The following RAB11FIP3 variants were observed in gnomAD, a reference collection of about 807,000 sequenced individuals.
RAB11FIP3 encodes RAB11 family interacting protein 3.
Under a neutral mutation model 77.8 loss-of-function variants are expected in RAB11FIP3, and 17 were observed. The observed-to-expected ratio is 0.22, with a 90% confidence interval of 0.15 to 0.33. The LOEUF is 0.33. Ranked by LOEUF, RAB11FIP3 falls within the 10% of genes least tolerant of loss-of-function variation. The pLI is 1.00. For missense variants in RAB11FIP3, 1,005 were observed against 1,011.2 expected (o/e 0.99, Z 0.08); for synonymous variants, 437 against 448.2 (o/e 0.98, Z 0.31).
Position 522,437 on chromosome 16 carries a change from T to G in RAB11FIP3, c.*1598T>G, listed in dbSNP as rs922875081. On this transcript the variant is annotated 3_prime_UTR_variant, in exon 14 of 14. Coordinates refer to ENST00000262305, the MANE Select transcript of RAB11FIP3 (RefSeq NM_014700.4). ...CGAGAAACGGCTCTTCCTGCCTGGA[T>G]GCAGGAGGGCAGGGGCCACCACAGA... The G allele has an allele frequency of 1.3e-5, 2 of 151,604 alleles. No homozygotes were observed. Among genetic ancestry groups the G allele is most frequent in the Admixed American group, 1.3e-4 (2 of 15,234 alleles). 9.4% of individuals were successfully genotyped at this position (151,604 alleles called of 1,614,324 possible).
intron 1 of RAB11FIP3, among the ~76,000 whole-genome samples, chr16:441,316 C>G (rs1470534538): frequency 6.6e-6 from 1 of 152,176 alleles, no homozygotes; most frequent in East Asian, 1.9e-4. Flanking sequence ...GCCTGATGTT[C>G]CTGATCCCTA....
chr16:494,793 TCGAGGC>T (rs1354768292), intron 5 of RAB11FIP3, among the ~76,000 whole-genome samples: 105 of 151,264 alleles, frequency 6.9e-4, no homozygotes, highest in African/African-American at 1.9e-3. Context: ...GCCGGGGAGG[TCGAGGC>T]TGCAGAGGTG....
chr16:475,895 C>T (rs2055897581), intron 3 of RAB11FIP3, among the ~76,000 whole-genome samples: 1 of 152,084 alleles, frequency 6.6e-6, no homozygotes, highest in Non-Finnish European at 1.5e-5. Flanking sequence ...CTCACTCTGT[C>T]ACCCAGGCTG....
chr16:496,666 T>G (rs1271642606), intron 5 of RAB11FIP3, among the ~76,000 whole-genome samples, 158 bp from the exon 6 acceptor site: 2 of 152,174 alleles, frequency 1.3e-5, no homozygotes, highest in African/African-American at 4.8e-5. Flanking sequence ...TTTTGCTGAG[T>G]GAGCATTTGT....
intron 1 of RAB11FIP3, among the ~76,000 whole-genome samples, chr16:451,218 GA>G (rs1349906090): frequency 6.6e-6 from 1 of 152,064 alleles, no homozygotes; most frequent in Non-Finnish European, 1.5e-5. Flanking sequence ...GCTGTTAACA[GA>G]AATAGTACAG....
chr16:513,198 G>A (rs2032262940), intron 9 of RAB11FIP3, among the ~76,000 whole-genome samples: 1 of 152,174 alleles, frequency 6.6e-6, no homozygotes, highest in African/African-American at 2.4e-5. Flanking sequence ...GGTGGAGGAA[G>A]TTGTTTTATA....
At chr16:511,546 G>A (rs1316078868) in intron 9 of RAB11FIP3, among the ~76,000 whole-genome samples, 3 of 64,116 alleles carry the variant, frequency 4.7e-5, no homozygotes, top group Admixed American at 1.6e-4. Context: ...GTTCCCCGAC[G>A]GCCCGCCAAC....
Position 491,752 on chromosome 16 carries a change from A to G in RAB11FIP3, c.1265+2752A>G, listed in dbSNP as rs183133568. On this transcript the variant is annotated intron_variant, in intron 5 of 13. Coordinates refer to ENST00000262305, the MANE Select transcript of RAB11FIP3 (RefSeq NM_014700.4). ...TGGCTGGCCCTCATGTCTAACTCCCAGTTACAGAAGACGGTTTTGAGTGCT... is the reference window on the plus strand; with the variant it reads ...TGGCTGGCCCTCATGTCTAACTCCCGGTTACAGAAGACGGTTTTGAGTGCT... Among the ~76,000 whole-genome samples, 631 of 152,326 alleles carry G rather than the reference A, an allele frequency of 4.1e-3. 2 individuals are homozygous for G. Among genetic ancestry groups the G allele is most frequent in the Non-Finnish European group, 7.0e-3 (475 of 68,026 alleles).
chr16:520,773 G>A lies in RAB11FIP3; in HGVS notation c.2205G>A (p.Gln735=), dbSNP rs868001646. The change falls in exon 14 of 14, where the codon CAG becomes CAA. Residue 735 remains glutamine, a synonymous_variant. Coordinates refer to ENST00000262305, the MANE Select transcript of RAB11FIP3 (RefSeq NM_014700.4). ...QKQEEINFRL[Q]DYIDRIIVAI... ...AGGAGGAGATCAACTTCCGCCTGCA[G>A]GACTACATCGACAGGATCATCGTGG... 1.9e-6 allele frequency: 3 copies of A among 1,613,838 alleles called. No individual in the cohort carries two copies. The highest frequency in any genetic ancestry group is 2.2e-5 in the East Asian group (1 of 44,884).
chr16:492,393 T>C (rs8043581), intron 5 of RAB11FIP3, among the ~76,000 whole-genome samples: 578 of 48,126 alleles, frequency 0.012, 4 homozygotes, highest in African/African-American at 0.053. Flanking sequence ...CCCAGAGCCC[T>C]CCCCGGGAGA....
chr16:498,448 C>G (rs1277011366), intron 6 of RAB11FIP3, among the ~76,000 whole-genome samples: 1 of 151,988 alleles, frequency 6.6e-6, no homozygotes, highest in Non-Finnish European at 1.5e-5. Context: ...GTACTGGGAT[C>G]ACAGGCATGA....
intron 3 of RAB11FIP3, among the ~76,000 whole-genome samples, chr16:481,901 C>T (rs2056049537): frequency 2.5e-5 from 2 of 80,700 alleles, no homozygotes; most frequent in Admixed American, 1.1e-4. Context: ...CCGGTGCCAC[C>T]GCACCTGGGC....
intron 8 of RAB11FIP3, among the ~76,000 whole-genome samples, chr16:509,024 C>G (rs2032008751): frequency 6.6e-6 from 1 of 152,052 alleles, no homozygotes; most frequent in Non-Finnish European, 1.5e-5. Flanking sequence ...GTGCTTCAGC[C>G]TCCCGAGTAG....
At chr16:475,018 G>A (rs1366923744) in intron 3 of RAB11FIP3, 12 of 1,551,580 alleles carry the variant, frequency 7.7e-6, no homozygotes, top group African/African-American at 4.1e-5. Context: ...ATGGGGAGCC[G>A]GTCTCCAACA....
rs1193213121 is a variant in RAB11FIP3, at chr16:426,504, G to A, written c.498G>A (p.Ala166=). The change falls in exon 1 of 14, where the codon GCG becomes GCA. Residue 166 remains alanine, a synonymous_variant. Coordinates refer to ENST00000262305, the MANE Select transcript of RAB11FIP3 (RefSeq NM_014700.4). The surrounding 1 kb of genome is among the most constrained non-coding windows in gnomAD (Gnocchi z 5.0). ...GEVDVFSPFP[A]PTAGELALEQ... Reference sequence around the variant, plus strand: ...TCGACGTCTTCTCTCCCTTCCCCGCGCCCACGGCGGGCGAGCTGGCGCTGG... The same window carrying A: ...TCGACGTCTTCTCTCCCTTCCCCGCACCCACGGCGGGCGAGCTGGCGCTGG... The A allele has an allele frequency of 2.5e-6, 4 of 1,575,552 alleles. No individual in the cohort carries two copies. The South Asian group carries it at 4.6e-5, about 18-fold the overall frequency.
intron 1 of RAB11FIP3, among the ~76,000 whole-genome samples, chr16:447,669 CA>C (rs2055339390): frequency 6.6e-6 from 1 of 152,112 alleles, no homozygotes. Flanking sequence ...ACCCGGGGGG[CA>C]GAGGTTGCAG....
At chr16:437,615 C>T (rs1195159397) in intron 1 of RAB11FIP3, among the ~76,000 whole-genome samples, 4 of 150,878 alleles carry the variant, frequency 2.7e-5, no homozygotes, top group Non-Finnish European at 5.9e-5. Flanking sequence ...TTGAATCTCC[C>T]AACCCAAAGA....
At chr16:517,762 T>C (rs1253985898) in intron 9 of RAB11FIP3, among the ~76,000 whole-genome samples, 2 of 152,072 alleles carry the variant, frequency 1.3e-5, no homozygotes. Context: ...GACTACACTG[T>C]GTCTGCTACT....
rs539580709 is a variant in RAB11FIP3, at chr16:521,157, G to A, written c.*318G>A. 1.4e-5 allele frequency: 6 copies of A among 442,092 alleles called. No homozygotes were observed. Among genetic ancestry groups the A allele is most frequent in the South Asian group, 1.0e-4 (4 of 39,002 alleles). 27.4% of individuals were successfully genotyped at this position (442,092 alleles called of 1,614,324 possible). A position where few individuals can be genotyped will look rare whatever the true frequency, so the allele number is the denominator to read the frequency against. ...GCCCTGAGTCAAGCTGGCCATGAAC[G>A]CGTACACTTCAGTTCAGCAGGATGG... On this transcript the variant is annotated 3_prime_UTR_variant, in exon 14 of 14. Coordinates refer to ENST00000262305, the MANE Select transcript of RAB11FIP3 (RefSeq NM_014700.4).
Sources: allele counts gnomAD v4.1 joint callset (sites outside exome capture counted in the v4.1 genomes callset), GRCh38; gene constraint gnomAD v4.1.1; non-coding constraint Gnocchi (gnomAD v3.1); transcripts MANE v1.5; gene names NCBI Gene and HGNC (gene_info 2026-07-23, HGNC 2026-07-21).